Variants in DDR2 observed in about 807,000 individuals in gnomAD.
DDR2 encodes discoidin domain-containing receptor 2.
Under a neutral mutation model 94.9 loss-of-function variants are expected in DDR2, and 27 were observed. The ratio of observed to expected loss-of-function variants is 0.28; its 90% CI spans 0.21 to 0.39. The LOEUF is 0.39. Among genes scored for constraint, DDR2 ranks in the 10% least tolerant of loss-of-function variants. DDR2 has a pLI of 1.00. For missense variants in DDR2, 783 were observed against 1,076.0 expected, an observed-to-expected ratio of 0.73 and a Z score of 3.81; for synonymous variants, 382 against 377.2, an observed-to-expected ratio of 1.01 and a Z score of -0.15.
Position 162,719,070 on chromosome 1 carries a change from C to G in DDR2, c.7C>G (p.Leu3Val). Residue 3 changes from leucine (L) to valine (V), a missense_variant, in exon 3 of 18, where the codon CTG (leucine) becomes GTG (valine). Transcript: ENST00000367921. ...TCCAACACCATCTTCTGAGATGATC[C>G]TGATTCCCAGAATGCTCTTGGTGCT... MI[L>V]IPRMLLVLFL... The G allele has an allele frequency of 6.2e-7, 1 of 1,613,794 alleles. No homozygotes were observed. Among genetic ancestry groups the G allele is most frequent in the Non-Finnish European group, 8.5e-7 (1 of 1,179,778 alleles).
At chr1:162,727,047 A>G (rs1661707502) in intron 3 of DDR2, among the ~76,000 whole-genome samples, 1 of 145,784 alleles carries the variant, frequency 6.9e-6, no homozygotes. Flanking sequence ...AATTATAAAT[A>G]TTATAATAAA....
chr1:162,720,150 A>ATT (rs5778286), intron 3 of DDR2, among the ~76,000 whole-genome samples: 2,632 of 150,304 alleles, frequency 0.018, 92 homozygotes, highest in East Asian at 0.15. Flanking sequence ...AATTGGAGTC[A>ATT]TTTTTTTTTT....
Position 162,723,423 on chromosome 1 carries a change from C to T in DDR2, c.82+4278C>T, listed in dbSNP as rs142020942. ...GACCCCACAATCATGCACAAAAATA[C>T]GGGGCTGCAGTAGTTGTTTGAGTGG... On this transcript the variant is annotated intron_variant, in intron 3 of 17. Transcript: ENST00000367921. Among the ~76,000 whole-genome samples, 593 of 152,228 alleles carry T rather than the reference C, an allele frequency of 3.9e-3. 3 individuals are homozygous for T. Among genetic ancestry groups the T allele is most frequent in the African/African-American group, 0.012 (511 of 41,536 alleles).
chr1:162,672,029 A>C (rs770110232), intron 2 of DDR2, among the ~76,000 whole-genome samples: 1 of 152,012 alleles, frequency 6.6e-6, no homozygotes, highest in Non-Finnish European at 1.5e-5. Context: ...TTTTCCCTCA[A>C]CTTTAGTTCA....
intron 14 of DDR2, 39 bp downstream of exon 14, chr1:162,773,635 C>A (rs746794874): frequency 8.1e-5 from 131 of 1,611,422 alleles, no homozygotes; most frequent in Middle Eastern, 5.0e-4. Flanking sequence ...TTAGGTATTT[C>A]ATCTTTAGGA....
chr1:162,780,165 C>T lies in DDR2; in HGVS notation c.2487C>T (p.Leu829=). 6.2e-7 allele frequency: 1 copy of T among 1,614,046 alleles called. No homozygotes were observed. The highest frequency in any genetic ancestry group is 8.5e-7 in the Non-Finnish European group (1 of 1,179,958). ...ICPDSVYKLM[L]SCWRRDTKNR... is the part of the protein sequence containing the mutation. ...CTGACTCTGTGTATAAGCTGATGCT[C>T]AGCTGCTGGAGAAGAGATACGAAGA... The change falls in exon 18 of 18, where the codon CTC becomes CTT. Residue 829 remains leucine, a synonymous_variant. Coordinates refer to ENST00000367921, the MANE Select transcript of DDR2 (RefSeq NM_006182.4).
chr1:162,735,233 T>A (rs977801212), intron 3 of DDR2, among the ~76,000 whole-genome samples: 2 of 152,172 alleles, frequency 1.3e-5, no homozygotes, highest in African/African-American at 2.4e-5. Flanking sequence ...ATCAATGTCA[T>A]TGCCACTCTG....
chr1:162,682,034 C>A (rs10799865), intron 2 of DDR2, among the ~76,000 whole-genome samples: 2 of 151,974 alleles, frequency 1.3e-5, no homozygotes, highest in African/African-American at 2.4e-5. Flanking sequence ...GAGTTATAAC[C>A]TCATGAAGTC....
Position 162,753,111 on chromosome 1 carries a change from T to G in DDR2, c.99T>G (p.Pro33=). The G allele has an allele frequency of 5.0e-6, 8 of 1,613,646 alleles. No individual in the cohort carries two copies. Among genetic ancestry groups the G allele is most frequent in the Non-Finnish European group, 6.8e-6 (8 of 1,179,700 alleles). The change falls in exon 4 of 18, where the codon CCT becomes CCG. Residue 33 remains proline, a synonymous_variant. Transcript: ENST00000367921. ...TTGGTCTAGCTATATGCCGCTATCC[T>G]CTGGGCATGTCAGGAGGCCAGATTC... ...AQVNPAICRY[P]LGMSGGQIPD... is the part of the protein sequence containing the mutation.
intron 2 of DDR2, among the ~76,000 whole-genome samples, chr1:162,699,386 C>T (rs1252844556): frequency 6.6e-6 from 1 of 152,220 alleles, no homozygotes; most frequent in African/African-American, 2.4e-5. Flanking sequence ...GACACTTCTA[C>T]TTCCAAATAT....
intron 3 of DDR2, among the ~76,000 whole-genome samples, chr1:162,752,013 G>T (rs1028832670): frequency 2.6e-5 from 4 of 152,078 alleles, no homozygotes; most frequent in African/African-American, 9.7e-5. Flanking sequence ...AGGGGACGGG[G>T]GAGGAATGGC....
At chr1:162,661,496 ATTTGGGTT>A (rs536987908) in intron 2 of DDR2, among the ~76,000 whole-genome samples, 104 of 152,182 alleles carry the variant, frequency 6.8e-4, no homozygotes, top group African/African-American at 2.3e-3. Context: ...CCTGTCTCTT[ATTTGGGTT>A]TTTGAATTGT....
At chr1:162,654,072 G>T (rs898916585) in intron 1 of DDR2, among the ~76,000 whole-genome samples, 6 of 152,174 alleles carry the variant, frequency 3.9e-5, no homozygotes, top group Admixed American at 1.3e-4. Flanking sequence ...ACGTGGAACT[G>T]TCCCCAACAT....
At chr1:162,644,690 G>A (rs1449905951) in intron 1 of DDR2, among the ~76,000 whole-genome samples, 1 of 151,800 alleles carries the variant, frequency 6.6e-6, no homozygotes, top group Non-Finnish European at 1.5e-5. Flanking sequence ...TCTGCCTCCT[G>A]GGTTCAAGTG....
chr1:162,748,107 A>G (rs932048079), intron 3 of DDR2, among the ~76,000 whole-genome samples: 16 of 152,200 alleles, frequency 1.1e-4, no homozygotes, highest in African/African-American at 3.9e-4. Context: ...GAGCAAAATA[A>G]CCAGCTAACA....
chr1:162,773,572 G>T lies in DDR2; in HGVS notation c.1832G>T (p.Arg611Leu). The T allele has an allele frequency of 6.2e-7, 1 of 1,613,972 alleles. No homozygotes were observed. Among genetic ancestry groups the T allele is most frequent in the South Asian group, 1.1e-5 (1 of 91,044 alleles). Residue 611 changes from arginine to leucine, a missense_variant, in exon 14 of 18, where the codon CGA becomes CTA. Around this residue, in one of 2 missense-constraint regions of DDR2, gnomAD observed 264 missense variants for 428.2 expected, o/e 0.62. Transcript: ENST00000367921. The part of the protein sequence containing the change: ...QPVLVAVKML[R>L]ADANKNARND... Reference sequence around the variant, plus strand: ...GTCCTGGTGGCTGTGAAAATGCTCCGAGCAGATGCCAACAAGAATGCCAGG... The same window carrying T: ...GTCCTGGTGGCTGTGAAAATGCTCCTAGCAGATGCCAACAAGAATGCCAGG...
At chr1:162,675,742 A>G (rs1659094173) in intron 2 of DDR2, among the ~76,000 whole-genome samples, 1 of 152,220 alleles carries the variant, frequency 6.6e-6, no homozygotes. Context: ...GTTTTATTTA[A>G]GCAGAAAAGA....
intron 2 of DDR2, among the ~76,000 whole-genome samples, chr1:162,696,333 T>A (rs1283152447): frequency 6.6e-6 from 1 of 151,960 alleles, no homozygotes; most frequent in Non-Finnish European, 1.5e-5. Context: ...GAGCCTCCCC[T>A]TTCTGAGGGA....
chr1:162,650,511 G>T (rs1345515502), intron 1 of DDR2, among the ~76,000 whole-genome samples: 1 of 152,094 alleles, frequency 6.6e-6, no homozygotes, highest in Non-Finnish European at 1.5e-5. Context: ...CAGGAGAATC[G>T]CTTGAACCTG....
Sources: gnomAD v4.1 joint callset for allele counts (sites outside exome capture counted in the v4.1 genomes callset) on GRCh38, gnomAD v4.1.1 for gene constraint, gnomAD v4.1.1 regional missense constraint, MANE v1.5 for transcripts, NCBI Gene and HGNC (gene_info 2026-07-23, HGNC 2026-07-21) for gene names.